The following DLGAP5 variants were observed in gnomAD, a reference collection of about 807,000 sequenced individuals.
DLGAP5 encodes disks large-associated protein 5.
DLGAP5 carries 90 observed loss-of-function variants against 99.6 expected under a neutral mutation model. The ratio of observed to expected loss-of-function variants is 0.90; its 90% confidence interval spans 0.76 to 1.08. The LOEUF (loss-of-function observed/expected upper bound fraction) is 1.08, where lower values mean the gene tolerates loss of function less well. Among genes scored for constraint, DLGAP5 ranks in the 50% least tolerant of loss-of-function variants. The probability of loss-of-function intolerance (pLI) is 0.00; values close to 1 mark genes in which losing one functional copy is unlikely to be tolerated. For missense variants in DLGAP5, 1,036 were observed against 983.5 expected, an observed-to-expected ratio of 1.05 and a Z score of -0.71; for synonymous variants, 311 against 321.3, an observed-to-expected ratio of 0.97 and a Z score of 0.34.
At position 55,160,971 on chromosome 14, in the gene DLGAP5, C is replaced by A. The variant is rs186045773; in HGVS notation, c.1653+2000G>T. Among the ~76,000 whole-genome samples the A allele has an allele frequency of 1.3e-4, 13 of 97,366 alleles. No individual in the cohort carries two copies. In the East Asian group the frequency reaches 2.4e-3, roughly 18 times the overall value. The allele number at this position is 97,366 out of a possible 152,430, so 63.9% of individuals were successfully genotyped here. ...AAGTAATTAAAGGGAGAAGCAGACA[C>A]CACAGGTTTGTTTTAATGTAAACAA... is the stretch of plus-strand genomic sequence containing the variant. On this transcript the variant is annotated intron_variant, in intron 13 of 18. Transcript: ENST00000247191.
chr14:55,177,326 C>A lies in DLGAP5; in HGVS notation c.785G>T (p.Cys262Phe). The change falls in exon 8 of 19, where the codon TGT (cysteine) becomes TTT (phenylalanine). Residue 262 changes from cysteine to phenylalanine, a missense_variant. Physicochemically the swap from Cys to Phe is radical, Grantham distance 205. Coordinates refer to ENST00000247191, the MANE Select transcript of DLGAP5 (RefSeq NM_014750.5). Reference sequence around the variant, plus strand: ...AGTATTTTCTTCACTATCGACTTTACAAGAAATACCCTAGGATGTGAGTTA... The same window carrying A: ...AGTATTTTCTTCACTATCGACTTTAAAAGAAATACCCTAGGATGTGAGTTA... Reference protein sequence around the residue: ...VETKPDKGISCKVDSEENTLN... With the variant: ...VETKPDKGISFKVDSEENTLN... The A allele has an allele frequency of 6.3e-7, 1 of 1,596,402 alleles. No homozygotes were observed. The highest frequency in any genetic ancestry group is 1.1e-5 in the South Asian group (1 of 87,292).
intron 12 of DLGAP5, among the ~76,000 whole-genome samples, chr14:55,167,618 C>T (rs1882690693): frequency 6.6e-6 from 1 of 152,172 alleles, no homozygotes; most frequent in Admixed American, 6.5e-5. Flanking sequence ...GTAACTCTCT[C>T]ATCTTTGTGA....
chr14:55,149,878 C>T (rs1352100461), intron 18 of DLGAP5, among the ~76,000 whole-genome samples: 5 of 151,898 alleles, frequency 3.3e-5, no homozygotes, highest in Admixed American at 6.6e-5. Context: ...GGTGAAACCC[C>T]GCATCTCTAC....
intron 18 of DLGAP5, 82 bp from the exon 19 acceptor site, chr14:55,148,555 A>C: frequency 6.2e-7 from 1 of 1,606,278 alleles, no homozygotes; most frequent in African/African-American, 1.3e-5. Flanking sequence ...ATAGTGGATT[A>C]ATTAATAACA....
intron 8 of DLGAP5, among the ~76,000 whole-genome samples, chr14:55,176,855 G>A (rs1389420652): frequency 6.6e-6 from 1 of 151,756 alleles, no homozygotes; most frequent in African/African-American, 2.4e-5. Flanking sequence ...ACGGGCGCCT[G>A]TAGTCCCAGC....
Position 55,154,751 on chromosome 14 carries a change from G to T in DLGAP5, c.1929C>A (p.Val643=), listed in dbSNP as rs1882146813. The T allele has an allele frequency of 1.2e-6, 2 of 1,614,110 alleles. No homozygotes were observed. The highest frequency in any genetic ancestry group is 2.7e-5 in the African/African-American group (2 of 75,042). The change falls in exon 15 of 19, where the codon GTC becomes GTA. Residue 643 remains valine, a synonymous_variant. Transcript: ENST00000247191. ...TTCTACTCTGAGATACAGCTTTGTT[G>T]ACAGACTTAGGTGTTCCAAGTCTTT... ...PSQRLGTPKS[V]NKAVSQSRNE... is the part of the protein sequence containing the mutation.
Position 55,179,617 on chromosome 14 carries a change from T to A in DLGAP5, c.774+12A>T. The A allele has an allele frequency of 6.2e-7, 1 of 1,603,610 alleles. No homozygotes were observed. On this transcript the variant is annotated intron_variant, in intron 7 of 18. Transcript: ENST00000247191. ...CAAAGCATCTAGAATTAAAAAGATG[T>A]TTATTCTCTACCTTGTCGGGTTTTG...
At chr14:55,153,528 G>A (rs1279726512) in intron 15 of DLGAP5, among the ~76,000 whole-genome samples, 2 of 136,928 alleles carry the variant, frequency 1.5e-5, no homozygotes, top group African/African-American at 3.0e-5. Flanking sequence ...GCAACAGAGC[G>A]ACACTCCGTC....
At chr14:55,155,433 G>A (rs1262663528) in intron 14 of DLGAP5, among the ~76,000 whole-genome samples, 4 of 150,908 alleles carry the variant, frequency 2.7e-5, no homozygotes, top group East Asian at 2.0e-4. Flanking sequence ...TGCAACCTCC[G>A]CCTCCTGGGT....
At position 55,148,381 on chromosome 14, in the gene DLGAP5, A is replaced by G; in HGVS notation, c.2511T>C (p.Thr837=). ...ATTCTCCTGGTTGTAGAGGTGAAAA[A>G]GTAATCAGGTTACCACCAAAAGAAA... ...RHISFGGNLI[T]FSPLQPGEF The change falls in exon 19 of 19, where the codon ACT becomes ACC. Residue 837 remains threonine, a synonymous_variant. Transcript: ENST00000247191. 1 of 1,614,042 alleles carries G rather than the reference A, an allele frequency of 6.2e-7. No individual in the cohort carries two copies. The highest frequency in any genetic ancestry group is 1.1e-5 in the South Asian group (1 of 91,050).
rs968555991 is a variant in DLGAP5, at chr14:55,175,446, T to C, written c.1201A>G (p.Thr401Ala). 1.5e-6 allele frequency: 2 copies of C among 1,375,202 alleles called. No homozygotes were observed. Among genetic ancestry groups the C allele is most frequent in the Admixed American group, 1.9e-5 (1 of 53,940 alleles). The allele number at this position is 1,375,202 out of a possible 1,614,324, so 85.2% of individuals were successfully genotyped here. ...GGAAGGCCATTTAAATTTTTAGTAGTAGCTTCATTTTTATTTAAAACATGT... is the reference window on the plus strand; with the variant it reads ...GGAAGGCCATTTAAATTTTTAGTAGCAGCTTCATTTTTATTTAAAACATGT... ...EEHVLNKNEATTKNLNGLPIK... is the reference protein window; with the variant it reads ...EEHVLNKNEAATKNLNGLPIK... Residue 401 changes from threonine to alanine, a missense_variant, in exon 10 of 19, where the codon ACT becomes GCT. Thr to Ala is a moderately conservative substitution (Grantham distance 58). Transcript: ENST00000247191.
intron 13 of DLGAP5, among the ~76,000 whole-genome samples, chr14:55,160,488 C>T (rs1398853086): frequency 1.3e-5 from 2 of 152,046 alleles, no homozygotes; most frequent in African/African-American, 4.8e-5. Context: ...TGATGTGTCG[C>T]CCAGGCTGGA....
Position 55,151,691 on chromosome 14 carries a change from T to A in DLGAP5, c.2368+4A>T. 6.2e-7 allele frequency: 1 copy of A among 1,611,176 alleles called. No homozygotes were observed. Among genetic ancestry groups the A allele is most frequent in the Non-Finnish European group, 8.5e-7 (1 of 1,179,022 alleles). ...CTCGTTTAAATATATTTTAAATATC[T>A]CACCTGACTGAGAAATTTTAGTTTC... is the stretch of plus-strand genomic sequence containing the variant. On this transcript the variant is annotated splice_donor_region_variant and intron_variant, in intron 17 of 18. Transcript: ENST00000247191.
At chr14:55,166,917 A>G (rs1378549051) in intron 12 of DLGAP5, among the ~76,000 whole-genome samples, 1 of 151,224 alleles carries the variant, frequency 6.6e-6, no homozygotes, top group Non-Finnish European at 1.5e-5. Flanking sequence ...GCCAACTTGA[A>G]GTGGCTCCCA....
At chr14:55,177,035 G>C in intron 8 of DLGAP5, 27 bp downstream of exon 8, 1 of 1,026,788 alleles carries the variant, frequency 9.7e-7, no homozygotes, top group East Asian at 3.4e-5. Flanking sequence ...CTTAGCAAGA[G>C]ACTTATTATT....
At chr14:55,169,672 G>A in intron 11 of DLGAP5, 113 bp from the exon 12 acceptor site, 3 of 884,550 alleles carry the variant, frequency 3.4e-6, no homozygotes, top group South Asian at 4.5e-5. Flanking sequence ...AGGTTGTTAA[G>A]CAAAACAAAA....
Position 55,188,985 on chromosome 14 carries a change from C to G in DLGAP5, c.195G>C (p.Glu65Asp). The G allele has an allele frequency of 6.2e-7, 1 of 1,613,710 alleles. No homozygotes were observed. The highest frequency in any genetic ancestry group is 8.5e-7 in the Non-Finnish European group (1 of 1,179,924). The change falls in exon 2 of 19, where the codon GAG (glutamate) becomes GAC (aspartate). Residue 65 changes from glutamate to aspartate, a missense_variant. Physicochemically the swap from Glu to Asp is conservative, Grantham distance 45. Transcript: ENST00000247191. ...LEGRILVELD[E>D]TSQGLVPEKT... ...TTTCTGGAACAAGCCCTTGAGATGT[C>G]TCATCTAATTCAACAAGAATTCTAC...
Position 55,177,174 on chromosome 14 carries a change from T to TAAAA in DLGAP5, c.933_936dup (p.Met313PhefsTer40). On this transcript the variant is annotated frameshift_variant, in exon 8 of 19. Transcript: ENST00000247191. LOFTEE classifies it high-confidence loss of function. Reference sequence around the variant, plus strand: ...TTCAGACCATCCAGTGGCTGAAACATAAAATCCTTAGGTGCAAAGGAATTC... The same window carrying TAAAA: ...TTCAGACCATCCAGTGGCTGAAACATAAAAAAAATCCTTAGGTGCAAAGGAATTC... 6.2e-7 allele frequency: 1 copy of TAAAA among 1,613,030 alleles called. No individual in the cohort carries two copies. Among genetic ancestry groups the TAAAA allele is most frequent in the African/African-American group, 1.3e-5 (1 of 74,902 alleles).
chr14:55,162,475 C>T (rs1055950619), intron 13 of DLGAP5, among the ~76,000 whole-genome samples: 2 of 151,964 alleles, frequency 1.3e-5, no homozygotes, highest in Admixed American at 6.6e-5. Flanking sequence ...AAAAATTAGC[C>T]GGGTGTGGTG....
Sources: allele counts gnomAD v4.1 joint callset (sites outside exome capture counted in the v4.1 genomes callset), GRCh38; gene constraint gnomAD v4.1.1; transcripts MANE v1.5; gene names NCBI Gene and HGNC (gene_info 2026-07-23, HGNC 2026-07-21).